The following SBNO1 variants were observed in gnomAD, a reference collection of about 807,000 sequenced individuals.
SBNO1 encodes the protein protein strawberry notch homolog 1.
In SBNO1, 23 loss-of-function variants were observed where a neutral mutation model predicts 173.6. The observed-to-expected ratio is 0.13, with a 90% confidence interval of 0.10 to 0.19. The LOEUF is 0.19. Among genes scored for constraint, SBNO1 ranks in the 10% least tolerant of loss-of-function variants. SBNO1 has a pLI of 1.00. For synonymous variants in SBNO1, 632 were observed against 571.5 expected, an observed-to-expected ratio of 1.11 and a Z score of -1.51; for missense variants, 1,238 against 1,671.2, an observed-to-expected ratio of 0.74 and a Z score of 4.52.
Position 123,305,967 on chromosome 12 carries a change from C to T in SBNO1, c.3631-1248G>A, listed in dbSNP as rs78163280. ...AAAGTTTCAAAGTAAAACCATTTTC[C>T]CAGCCCTCTACACAATAAATCATTG... On this transcript the variant is annotated intron_variant, in intron 28 of 31. Transcript: ENST00000602398. Among the ~76,000 whole-genome samples the T allele has an allele frequency of 9.3e-3, 1,416 of 152,182 alleles. 12 individuals are homozygous for T. The highest frequency in any genetic ancestry group is 0.013 in the Non-Finnish European group (863 of 68,004).
rs1869823512 is a variant in SBNO1, at chr12:123,320,427, T to C, written c.2667+5A>G. 4 of 1,611,114 alleles carry C rather than the reference T, an allele frequency of 2.5e-6. No homozygotes were observed. The highest frequency in any genetic ancestry group is 3.4e-6 in the Non-Finnish European group (4 of 1,178,652). On this transcript the variant is annotated splice_donor_5th_base_variant and intron_variant, in intron 19 of 31. Transcript: ENST00000602398. ...AATGTCACCAAGAGATACAGGCCTA[T>C]TTACCTCAGCAACGTTCTCAGGGCC...
intron 3 of SBNO1, 41 bp downstream of exon 3, chr12:123,347,988 A>G (rs1348194484): frequency 3.9e-6 from 5 of 1,294,914 alleles, no homozygotes; most frequent in South Asian, 1.2e-5. Flanking sequence ...CTACACTTCT[A>G]AACTATTTTA....
At chr12:123,327,631 T>C (rs1870751799) in intron 12 of SBNO1, 52 bp from the exon 13 acceptor site, 2 of 1,596,576 alleles carry the variant, frequency 1.3e-6, no homozygotes, top group Middle Eastern at 1.7e-4. Flanking sequence ...AATTTTAACA[T>C]ACAGAGAATG....
At chr12:123,329,376 T>TC (rs1870930202) in intron 9 of SBNO1, among the ~76,000 whole-genome samples, 1 of 118,290 alleles carries the variant, frequency 8.5e-6, no homozygotes. Context: ...GCTGAGATCT[T>TC]TTTTTTTTTT....
intron 13 of SBNO1, 141 bp downstream of exon 13, chr12:123,327,285 T>G (rs897428812): frequency 1.5e-4 from 108 of 699,458 alleles, no homozygotes; most frequent in Non-Finnish European, 2.0e-4. Context: ...TGCTGAGGCA[T>G]GAGACACCGT....
At chr12:123,303,264 C>T (rs11057250) in intron 29 of SBNO1, among the ~76,000 whole-genome samples, 9,567 of 152,174 alleles carry the variant, frequency 0.063, 337 homozygotes, top group South Asian at 0.11. Flanking sequence ...CACAATAAAA[C>T]TAAGAGGTAG....
intron 6 of SBNO1, among the ~76,000 whole-genome samples, chr12:123,334,710 A>T (rs7980804): frequency 0.088 from 13,348 of 152,084 alleles, 1,649 homozygotes; most frequent in African/African-American, 0.28. Context: ...TCTGTCTCAA[A>T]AAATAAATAA....
intron 8 of SBNO1, 113 bp downstream of exon 8, chr12:123,331,129 A>T: frequency 1.8e-6 from 2 of 1,097,772 alleles, no homozygotes; most frequent in Non-Finnish European, 2.6e-6. Context: ...CGACCGGCTG[A>T]TTTTTTGTAC....
intron 30 of SBNO1, among the ~76,000 whole-genome samples, chr12:123,300,511 G>C (rs1009013912): frequency 3.9e-5 from 6 of 152,024 alleles, no homozygotes; most frequent in African/African-American, 1.5e-4. Context: ...CAAAAAATTA[G>C]CCGGGCGTGG....
intron 3 of SBNO1, among the ~76,000 whole-genome samples, chr12:123,346,802 G>A (rs1331306382): frequency 6.6e-6 from 1 of 152,014 alleles, no homozygotes; most frequent in Non-Finnish European, 1.5e-5. Context: ...GTGGGGCTGG[G>A]AGCGGTGGCT....
chr12:123,334,913 G>GC (rs1004945747), intron 6 of SBNO1, among the ~76,000 whole-genome samples: 9 of 152,194 alleles, frequency 5.9e-5, no homozygotes, highest in African/African-American at 1.9e-4. Context: ...TTGAGGCTAG[G>GC]CATGAAGGTT....
chr12:123,362,896 G>A (rs1489229417), intron 1 of SBNO1, among the ~76,000 whole-genome samples: 2 of 151,366 alleles, frequency 1.3e-5, no homozygotes, highest in African/African-American at 2.4e-5. Context: ...TCCCAACATG[G>A]TGAGACCCCC....
intron 25 of SBNO1, 49 bp from the exon 26 acceptor site, chr12:123,309,905 T>C (rs1351837223): frequency 7.0e-7 from 1 of 1,430,660 alleles, no homozygotes; most frequent in African/African-American, 1.4e-5. Context: ...AATTAAAAAT[T>C]TTTTATTCAT....
chr12:123,354,450 C>T (rs968415582), intron 1 of SBNO1, among the ~76,000 whole-genome samples: 26 of 152,062 alleles, frequency 1.7e-4, no homozygotes, highest in Admixed American at 7.2e-4. Context: ...CTCAGCCAAA[C>T]GGGCACAAAT....
At chr12:123,346,862 G>C (rs1046215144) in intron 3 of SBNO1, among the ~76,000 whole-genome samples, 1 of 152,074 alleles carries the variant, frequency 6.6e-6, no homozygotes, top group Non-Finnish European at 1.5e-5. Context: ...CACATTACCT[G>C]AGGTCAGGAG....
chr12:123,363,462 C>T (rs1218915892), intron 1 of SBNO1, among the ~76,000 whole-genome samples: 1 of 152,196 alleles, frequency 6.6e-6, no homozygotes, highest in Non-Finnish European at 1.5e-5. Flanking sequence ...CTGCACCCTT[C>T]TGGATGACTC....
chr12:123,291,324 G>C lies in SBNO1; in HGVS notation c.*4584C>G, dbSNP rs1264633946. 6.6e-6 allele frequency: 1 copy of C among 152,180 alleles called. No individual in the cohort carries two copies. Among genetic ancestry groups the C allele is most frequent in the Non-Finnish European group, 1.5e-5 (1 of 68,032 alleles). The allele number at this position is 152,180 out of a possible 1,614,324, so 9.4% of individuals were successfully genotyped here. On this transcript the variant is annotated 3_prime_UTR_variant, in exon 32 of 32. Transcript: ENST00000602398. ...GAAATATGGTAAGGCCTGAAAAATT[G>C]CAAAAGTAGAAGCAAGTCAGGTTTG...
chr12:123,319,284 T>A (rs1318600570), intron 20 of SBNO1, among the ~76,000 whole-genome samples: 2 of 151,664 alleles, frequency 1.3e-5, no homozygotes, highest in African/African-American at 4.8e-5. Flanking sequence ...TATTTTTATA[T>A]CATGATTAAA....
rs148683540 is a variant in SBNO1, at chr12:123,289,174, GAAAA to G, written c.*6730_*6733del. ...AAACAAAACAAAAACCACCACAACA[GAAAA>G]AAAAACTAAATACAGAATTTGTTAC... is the stretch of plus-strand genomic sequence containing the variant. On this transcript the variant is annotated 3_prime_UTR_variant, in exon 32 of 32. Transcript: ENST00000602398. 1.3e-5 allele frequency: 2 copies of G among 151,208 alleles called. No homozygotes were observed. Among genetic ancestry groups the G allele is most frequent in the Non-Finnish European group, 3.0e-5 (2 of 67,766 alleles). The allele number at this position is 151,208 out of a possible 1,614,324, so 9.4% of individuals were successfully genotyped here. A position where few individuals can be genotyped will look rare whatever the true frequency, so the allele number is the denominator to read the frequency against.
Sources: gnomAD v4.1 joint callset for allele counts (sites outside exome capture counted in the v4.1 genomes callset) on GRCh38, gnomAD v4.1.1 for gene constraint, MANE v1.5 for transcripts, NCBI Gene and HGNC (gene_info 2026-07-23, HGNC 2026-07-21) for gene names.